The following ZNF514 variants were observed in gnomAD, a reference collection of about 807,000 sequenced individuals.
The protein encoded by ZNF514 is zinc finger protein 514.
ZNF514 carries 12 observed loss-of-function variants against 9.7 expected under a neutral mutation model. The observed-to-expected ratio is 1.24, with a 90% CI of 0.79 to 2.01. The LOEUF (loss-of-function observed/expected upper bound fraction) is 2.01, where lower values mean the gene tolerates loss of function less well. Among genes scored for constraint, ZNF514 ranks in the 30% most tolerant of loss-of-function variants. The pLI is 0.00. For missense variants in ZNF514, 467 were observed against 465.5 expected, an observed-to-expected ratio of 1.00 and a Z score of -0.03; for synonymous variants, 158 against 163.7, an observed-to-expected ratio of 0.97 and a Z score of 0.27.
At chr2:95,140,801 C>T (rs1676815839), downstream of ZNF514, among the ~76,000 whole-genome samples, 1 of 151,688 alleles carries the variant, frequency 6.6e-6, no homozygotes, top group Admixed American at 6.6e-5. Flanking sequence ...ATAGTGAAAC[C>T]CCGTCTCTAC....
At chr2:95,135,923 A>C in the ZNF514 span, among the ~76,000 whole-genome samples, 1 of 151,664 alleles carries the variant, frequency 6.6e-6, no homozygotes, top group African/African-American at 2.4e-5. Flanking sequence ...TACAAAAATT[A>C]GCCATGCGTG....
At chr2:95,137,237 C>T in the ZNF514 span, among the ~76,000 whole-genome samples, 2 of 152,178 alleles carry the variant, frequency 1.3e-5, no homozygotes, top group Non-Finnish European at 2.9e-5. Context: ...TCAAAGGATC[C>T]ATCTCTGGAG....
chr2:95,137,224 C>T, the ZNF514 span, among the ~76,000 whole-genome samples: 1 of 152,142 alleles, frequency 6.6e-6, no homozygotes, highest in Admixed American at 6.5e-5. Context: ...CCTAACTGAA[C>T]CCTCAAAGGA....
At chr2:95,124,080 G>A in the ZNF514 span, among the ~76,000 whole-genome samples, 2 of 152,274 alleles carry the variant, frequency 1.3e-5, no homozygotes, top group African/African-American at 2.4e-5. Context: ...GTATGTGTGT[G>A]TAGTTCTATG....
the ZNF514 span, among the ~76,000 whole-genome samples, chr2:95,128,668 A>G: frequency 6.6e-6 from 1 of 151,344 alleles, no homozygotes; most frequent in African/African-American, 2.4e-5. Context: ...AGGAATAAGG[A>G]AGAAGAAGTA....
chr2:95,158,983 T>C (rs889490269), intron 1 of ZNF514: 24 of 1,286,104 alleles, frequency 1.9e-5, no homozygotes, highest in African/African-American at 3.0e-5. Context: ...GTGGAGTCCA[T>C]AGCTGGGGCT....
At position 95,150,216 on chromosome 2, in the gene ZNF514, G is replaced by A; in HGVS notation, c.269C>T (p.Ser90Phe). 3.1e-6 allele frequency: 5 copies of A among 1,595,134 alleles called. No homozygotes were observed. Among genetic ancestry groups the A allele is most frequent in the Non-Finnish European group, 4.3e-6 (5 of 1,174,148 alleles). ...TACTACCTGGAATAATTCTTCTTTG[G>A]AAATTCCCCAACTTGGCATTGATTC... ...SKESMPSWGI[S>F]KEELFQVVSV... The change falls in exon 5 of 5, where the codon TCC (serine) becomes TTC (phenylalanine). Residue 90 changes from serine to phenylalanine, a missense_variant. Ser to Phe is a radical substitution (Grantham distance 155, BLOSUM62 -2). Coordinates refer to ENST00000295208, the MANE Select transcript of ZNF514 (RefSeq NM_032788.3).
At position 95,145,810 on chromosome 2, in the gene ZNF514, G is replaced by C. The variant is rs1375129352; in HGVS notation, c.*3472C>G. On this transcript the variant is annotated 3_prime_UTR_variant, in exon 5 of 5. Transcript: ENST00000295208. The stretch of plus-strand genomic sequence containing the variant: ...TCTTCCTCTCACGTACCTTTGCCAT[G>C]TTAACCATACTCGTCAGTTTGAACC... 6.6e-6 allele frequency among the ~76,000 whole-genome samples: 1 copy of C among 152,124 alleles called. No individual in the cohort carries two copies. The highest frequency in any genetic ancestry group is 2.4e-5 in the African/African-American group (1 of 41,434).
In ZNF514 at chr2:95,159,016, G is replaced by A. The variant is rs1673763746; in HGVS notation, c.-96+224C>T. ...GCTAAGGAGCGGCGTCCTTTCACTA[G>A]GTCCAAATCTCTGTCTTTCGGCCAC... On this transcript the variant is annotated intron_variant, in intron 1 of 4. Coordinates refer to ENST00000295208, the MANE Select transcript of ZNF514 (RefSeq NM_032788.3). 7.1e-6 allele frequency: 9 copies of A among 1,264,594 alleles called. No homozygotes were observed. In the South Asian group the frequency reaches 7.6e-5, roughly 11 times the overall value. 78.3% of individuals were successfully genotyped at this position (1,264,594 alleles called of 1,614,324 possible). A position where few individuals can be genotyped will look rare whatever the true frequency, so the allele number is the denominator to read the frequency against.
chr2:95,155,853 C>T (rs1202703690), intron 2 of ZNF514, among the ~76,000 whole-genome samples: 1 of 152,088 alleles, frequency 6.6e-6, no homozygotes, highest in African/African-American at 2.4e-5. Context: ...ACCCAAAGAG[C>T]CATCCCCGGG....
chr2:95,142,037 A>G (rs1045013349), downstream of ZNF514, among the ~76,000 whole-genome samples: 1 of 152,124 alleles, frequency 6.6e-6, no homozygotes, highest in African/African-American at 2.4e-5. Context: ...TTCATTTTCT[A>G]TAGACCCCTG....
chr2:95,139,510 A>G, the ZNF514 span, among the ~76,000 whole-genome samples: 2 of 152,220 alleles, frequency 1.3e-5, no homozygotes, highest in Non-Finnish European at 2.9e-5. Context: ...TGGGGACTGT[A>G]GCCCCTTTCT....
chr2:95,129,836 GAA>G, the ZNF514 span, among the ~76,000 whole-genome samples: 2 of 152,138 alleles, frequency 1.3e-5, no homozygotes, highest in Non-Finnish European at 1.5e-5. Context: ...AGAGTTTGGG[GAA>G]GTTCAAACCT....
intron 2 of ZNF514, chr2:95,154,039 T>C (rs1039826704): frequency 6.6e-6 from 1 of 152,220 alleles, no homozygotes; most frequent in African/African-American, 2.4e-5. Flanking sequence ...TTCACTACTA[T>C]AGTGACCTCT....
At chr2:95,142,507 TGTTCCAA>T, downstream of ZNF514, among the ~76,000 whole-genome samples, 1 of 152,374 alleles carries the variant, frequency 6.6e-6, no homozygotes, top group Middle Eastern at 3.4e-3. Context: ...GTAAGGCCTT[TGTTCCAA>T]TTTTGAGCCA....
chr2:95,141,815 C>T (rs1382559978), downstream of ZNF514, among the ~76,000 whole-genome samples: 7 of 152,106 alleles, frequency 4.6e-5, no homozygotes, highest in African/African-American at 1.7e-4. Context: ...TAAGAATTGA[C>T]ACAACAAGAT....
In ZNF514 at chr2:95,152,767, G is replaced by A; in HGVS notation, c.124C>T (p.Leu42Phe). The change falls in exon 4 of 5, where the codon CTT (leucine) becomes TTT (phenylalanine). Residue 42 changes from leucine to phenylalanine, a missense_variant and splice_region_variant. Coordinates refer to ENST00000295208, the MANE Select transcript of ZNF514 (RefSeq NM_032788.3). ...ATCACATATGGTTTGGATACTAGAA[G>A]GCCTGATGGTAGAGAAGGAAAAGGA... Reference protein sequence around the residue: ...ENFRNLAILGLLVSKPYVICQ... With the variant: ...ENFRNLAILGFLVSKPYVICQ... 1.9e-6 allele frequency: 3 copies of A among 1,613,988 alleles called. 1 individual carries two copies. In the South Asian group the frequency reaches 3.3e-5, roughly 18 times the overall value.
rs559766825 is a variant in ZNF514, at chr2:95,158,567, G to A, written c.-96+673C>T. On this transcript the variant is annotated intron_variant, in intron 1 of 4. Transcript: ENST00000295208. ...GAACGACTGGAAGAACCTTATTAGTGAGGTGATTAAGGAGGTGGATGACAA... is the reference window on the plus strand; with the variant it reads ...GAACGACTGGAAGAACCTTATTAGTAAGGTGATTAAGGAGGTGGATGACAA... Among the ~76,000 whole-genome samples, 13 of 152,328 alleles carry A rather than the reference G, an allele frequency of 8.5e-5. No individual in the cohort carries two copies. The South Asian group carries it at 2.7e-3, about 32-fold the overall frequency.
chr2:95,132,144 CAAAAAAA>C, the ZNF514 span, among the ~76,000 whole-genome samples: 26 of 16,608 alleles, frequency 1.6e-3, no homozygotes, highest in South Asian at 0.011. Flanking sequence ...GACTCTGTCT[CAAAAAAA>C]AAAAAAAAAA....
Sources: allele counts gnomAD v4.1 joint callset (sites outside exome capture counted in the v4.1 genomes callset), GRCh38; gene constraint gnomAD v4.1.1; transcripts MANE v1.5; gene names NCBI Gene and HGNC (gene_info 2026-07-23, HGNC 2026-07-21).